Variants in SHROOM2 observed in about 807,000 individuals in gnomAD.
SHROOM2 encodes the protein protein Shroom2.
A neutral mutation model predicts 75.9 loss-of-function variants in SHROOM2; 33 were observed. The observed-to-expected ratio is 0.43, with a 90% CI of 0.33 to 0.58. The LOEUF (loss-of-function observed/expected upper bound fraction) is 0.58, where lower values mean the gene tolerates loss of function less well. Among genes scored for constraint, SHROOM2 ranks in the 20% least tolerant of loss-of-function variants. The pLI, the probability that SHROOM2 is intolerant of heterozygous loss-of-function variation, is 0.04. For missense variants in SHROOM2, 1,434 were observed against 1,461.2 expected (o/e 0.98, Z 0.30); for synonymous variants, 655 against 663.6 (o/e 0.99, Z 0.20).
chrX:9,822,715 C>A (rs1256795933), intron 1 of SHROOM2, among the ~76,000 whole-genome samples: 1 of 112,401 alleles, frequency 8.9e-6, no homozygotes, highest in Non-Finnish European at 1.9e-5. Context: ...CCAGAAAGCT[C>A]TGCGGAGGGA....
intron 5 of SHROOM2, among the ~76,000 whole-genome samples, chrX:9,898,886 C>T (rs2084349705): frequency 2.7e-5 from 3 of 110,276 alleles, no homozygotes; most frequent in Non-Finnish European, 3.8e-5. Context: ...CGTTTTGTGC[C>T]ATAATTCCAG....
chrX:9,792,237 G>A (rs1267530771), intron 1 of SHROOM2, among the ~76,000 whole-genome samples: 1 of 110,771 alleles, frequency 9.0e-6, no homozygotes, highest in African/African-American at 3.3e-5. Flanking sequence ...CAGTATTTGG[G>A]CTGTCCTGTA....
intron 2 of SHROOM2, among the ~76,000 whole-genome samples, chrX:9,889,074 A>G (rs751430398): frequency 1.8e-5 from 2 of 112,338 alleles, no homozygotes; most frequent in African/African-American, 3.2e-5. Flanking sequence ...TGAAATTCAC[A>G]TGGCCAGAAC....
chrX:9,792,043 A>C (rs1451105818), intron 1 of SHROOM2, among the ~76,000 whole-genome samples: 2 of 28,015 alleles, frequency 7.1e-5, no homozygotes, highest in Admixed American at 3.7e-4. Context: ...ATAGAATAGA[A>C]TAGAATAGAA....
At chrX:9,927,621 T>C (rs750645008) in intron 5 of SHROOM2, among the ~76,000 whole-genome samples, 196 of 111,944 alleles carry the variant, frequency 1.8e-3, no homozygotes, top group Non-Finnish European at 3.0e-3. Context: ...TCTCACCTTT[T>C]AAAATTCCGC....
At chrX:9,838,236 A>G (rs767368516) in intron 1 of SHROOM2, among the ~76,000 whole-genome samples, 1 of 108,553 alleles carries the variant, frequency 9.2e-6, no homozygotes, top group Non-Finnish European at 1.9e-5. Context: ...AATTTTTTGT[A>G]TTTTTAGTAG....
In SHROOM2 at chrX:9,932,808, G is replaced by C. The variant is rs767913471; in HGVS notation, c.3525G>C (p.Gln1175His). 1.7e-6 allele frequency: 2 copies of C among 1,205,466 alleles called. No homozygotes were observed. The highest frequency in any genetic ancestry group is 3.5e-5 in the African/African-American group (2 of 57,309). Residue 1175 changes from glutamine (Q) to histidine (H), a missense_variant, in exon 6 of 10, where the codon CAG becomes CAC. Gln to His is a conservative substitution (Grantham distance 24, BLOSUM62 0). This residue lies in a region of SHROOM2 where 1,340 missense variants were observed against 1,338.3 expected (regional missense o/e 1.00). Transcript: ENST00000380913. ...TMETSRSPSPQFAPQKLTDKP... is the reference protein window; with the variant it reads ...TMETSRSPSPHFAPQKLTDKP... ...AGACCTCGCGCTCCCCCTCGCCCCA[G>C]TTCGCCCCCCAGAAACTGACGGACA... is the stretch of plus-strand genomic sequence containing the variant.
chrX:9,917,514 G>T (rs2084501128), intron 5 of SHROOM2, among the ~76,000 whole-genome samples: 1 of 110,097 alleles, frequency 9.1e-6, no homozygotes, highest in South Asian at 3.9e-4. Flanking sequence ...TGTTGTTGTT[G>T]TTGTTGTTGT....
chrX:9,890,371 A>C (rs2147011402), intron 2 of SHROOM2, among the ~76,000 whole-genome samples: 1 of 113,185 alleles, frequency 8.8e-6, no homozygotes, highest in South Asian at 3.6e-4. Context: ...TGTCTCAAAA[A>C]TAAAATAAAA....
chrX:9,794,448 C>T, intron 1 of SHROOM2, among the ~76,000 whole-genome samples: 1 of 111,665 alleles, frequency 9.0e-6, no homozygotes, highest in Non-Finnish European at 1.9e-5. Flanking sequence ...CGGCTCACTG[C>T]AACCTCCGCC....
At chrX:9,920,129 AC>A (rs754141753) in intron 5 of SHROOM2, among the ~76,000 whole-genome samples, 10 of 110,166 alleles carry the variant, frequency 9.1e-5, no homozygotes, top group Non-Finnish European at 1.9e-4. Context: ...AGACATCTCA[AC>A]TCGCTACAAC....
intron 1 of SHROOM2, among the ~76,000 whole-genome samples, chrX:9,862,526 A>C (rs1377877299): frequency 9.0e-6 from 1 of 111,178 alleles, no homozygotes; most frequent in African/African-American, 3.3e-5. Context: ...AATTGTCTCT[A>C]AAAGTCGCTG....
chrX:9,894,256 T>G, intron 3 of SHROOM2, 102 bp from the exon 4 acceptor site: 5 of 780,679 alleles, frequency 6.4e-6, no homozygotes, highest in Non-Finnish European at 9.2e-6. Flanking sequence ...CTGTTTGGCA[T>G]TTTGGTATTT....
chrX:9,808,138 A>ACCTCCC (rs1894997692), intron 1 of SHROOM2, among the ~76,000 whole-genome samples: 2 of 111,436 alleles, frequency 1.8e-5, no homozygotes, highest in African/African-American at 6.5e-5. Flanking sequence ...TCCAGTAAAT[A>ACCTCCC]CGGTAGTACT....
chrX:9,921,176 G>T (rs985296198), intron 5 of SHROOM2, among the ~76,000 whole-genome samples: 1 of 111,511 alleles, frequency 9.0e-6, no homozygotes, highest in Admixed American at 9.6e-5. Context: ...CTCACAACAT[G>T]GTTGTTGGCT....
chrX:9,814,585 C>G (rs2083808890), intron 1 of SHROOM2, among the ~76,000 whole-genome samples: 1 of 111,090 alleles, frequency 9.0e-6, no homozygotes, highest in Non-Finnish European at 1.9e-5. Flanking sequence ...TTTTGCCTGG[C>G]AATTGCCTCA....
intron 1 of SHROOM2, among the ~76,000 whole-genome samples, chrX:9,838,356 G>A (rs764786077): frequency 1.5e-4 from 17 of 110,723 alleles, no homozygotes; most frequent in African/African-American, 4.9e-4. Flanking sequence ...CACCGCACCC[G>A]GCCTTAAATC....
chrX:9,817,581 T>C (rs977351470), intron 1 of SHROOM2, among the ~76,000 whole-genome samples: 2 of 111,798 alleles, frequency 1.8e-5, no homozygotes, highest in African/African-American at 6.5e-5. Context: ...AGAAAACAAC[T>C]CTCTAAGTTT....
chrX:9,942,442 C>CA (rs1215240463), intron 8 of SHROOM2, among the ~76,000 whole-genome samples: 3 of 111,611 alleles, frequency 2.7e-5, no homozygotes, highest in Non-Finnish European at 5.6e-5. Flanking sequence ...GACTGCACCC[C>CA]CCACACACAC....
Sources: gnomAD v4.1 joint callset for allele counts (sites outside exome capture counted in the v4.1 genomes callset) on GRCh38, gnomAD v4.1.1 for gene constraint, gnomAD v4.1.1 regional missense constraint, MANE v1.5 for transcripts, NCBI Gene and HGNC (gene_info 2026-07-23, HGNC 2026-07-21) for gene names.